Variants in SRMS observed in about 807,000 individuals in gnomAD.
SRMS encodes tyrosine-protein kinase Srms.
A neutral mutation model predicts 43.5 loss-of-function variants in SRMS; 42 were observed. The observed-to-expected ratio is 0.97, with a 90% CI of 0.75 to 1.25. The LOEUF (loss-of-function observed/expected upper bound fraction) is 1.25. SRMS is among the 50% of genes most tolerant of loss of function. The pLI, the probability that SRMS is intolerant of heterozygous loss-of-function variation, is 0.00. For synonymous variants in SRMS, 316 were observed against 308.2 expected (o/e 1.03, Z -0.27); for missense variants, 703 against 681.0 (o/e 1.03, Z -0.36).
intron 5 of SRMS, 55 bp downstream of exon 5, chr20:63,542,108 G>A (rs2082707603): frequency 3.2e-6 from 5 of 1,570,314 alleles, no homozygotes; most frequent in Non-Finnish European, 4.3e-6. Flanking sequence ...GCGCCAGGAG[G>A]GAAGGGGCGG....
rs775107636 is a variant in SRMS, at chr20:63,541,353, G to A, written c.1129-6C>T. 2.6e-6 allele frequency: 4 copies of A among 1,541,478 alleles called. No individual in the cohort carries two copies. The highest frequency in any genetic ancestry group is 1.7e-4 in the Middle Eastern group (1 of 5,718). ...CTCGGGGAGTAGATGTCGTCCTGGGGGCGAGGGAAGGCCCCTGGTAGGGCA... is the reference window on the plus strand; with the variant it reads ...CTCGGGGAGTAGATGTCGTCCTGGGAGCGAGGGAAGGCCCCTGGTAGGGCA... On this transcript the variant is annotated splice_polypyrimidine_tract_variant and splice_region_variant and intron_variant, in intron 6 of 7. Coordinates refer to ENST00000217188, the MANE Select transcript of SRMS (RefSeq NM_080823.4).
rs762371718 is a variant in SRMS at position 63,542,321 on chromosome 20, G to T, written c.788C>A (p.Ala263Asp). 1 of 1,607,208 alleles carries T rather than the reference G, an allele frequency of 6.2e-7. No homozygotes were observed. The highest frequency in any genetic ancestry group is 1.7e-5 in the Admixed American group (1 of 59,830). ...GGCGAGGTCAGTGAGCTTCATGTTG[G>T]CTGCGAGAGAGGGTGTGGCTCCAGG... ...LPVAIKVIKS[A>D]NMKLTDLAKE... Residue 263 changes from alanine (A) to aspartate (D), a missense_variant and splice_region_variant, in exon 5 of 8, where the codon GCC (alanine) becomes GAC (aspartate). Coordinates refer to ENST00000217188, the MANE Select transcript of SRMS (RefSeq NM_080823.4).
At position 63,547,420 on chromosome 20, in the gene SRMS, A is replaced by G; in HGVS notation, c.44T>C (p.Phe15Ser). The change falls in exon 1 of 8, where the codon TTC becomes TCC. Residue 15 changes from phenylalanine to serine, a missense_variant. Transcript: ENST00000217188. ...GCCCGCCGGCCAGATCTTGTCCCAG[A>G]AGAAGGACAGGAAGGCCAGCCGCCT... The part of the protein sequence containing the change: ...LRRRLAFLSF[F>S]WDKIWPAGGE... 1 of 1,548,480 alleles carries G rather than the reference A, an allele frequency of 6.5e-7. No homozygotes were observed. The highest frequency in any genetic ancestry group is 8.7e-7 in the Non-Finnish European group (1 of 1,144,914).
At chr20:63,541,967 C>G (rs977400870) in intron 5 of SRMS, among the ~76,000 whole-genome samples, 196 bp downstream of exon 5, 2 of 152,238 alleles carry the variant, frequency 1.3e-5, no homozygotes, top group African/African-American at 2.4e-5. Flanking sequence ...CCACAAGGCT[C>G]TGGCCTGGCC....
At position 63,540,701 on chromosome 20, in the gene SRMS, T is replaced by G. The variant is rs2082697961; in HGVS notation, c.*117A>C. On this transcript the variant is annotated 3_prime_UTR_variant, in exon 8 of 8. Coordinates refer to ENST00000217188, the MANE Select transcript of SRMS (RefSeq NM_080823.4). ...ACGAACATGTGTGCACGCCAGGGCC[T>G]GAGGCCCACAGCCAGAGGCTCCTCG... 7.4e-7 allele frequency: 1 copy of G among 1,343,888 alleles called. No individual in the cohort carries two copies. The highest frequency in any genetic ancestry group is 1.5e-5 in the African/African-American group (1 of 68,038). The allele number at this position is 1,343,888 out of a possible 1,614,324, so 83.2% of individuals were successfully genotyped here.
At position 63,541,428 on chromosome 20, in the gene SRMS, C is replaced by T. The variant is rs774933409; in HGVS notation, c.1128+11G>A. On this transcript the variant is annotated intron_variant, in intron 6 of 7. Coordinates refer to ENST00000217188, the MANE Select transcript of SRMS (RefSeq NM_080823.4). Reference sequence around the variant, plus strand: ...CCCCCTCTGGGTCAGGGGCCCAGAGCCTCCGCTGACCTTGAGCAGCCGGGC... The same window carrying T: ...CCCCCTCTGGGTCAGGGGCCCAGAGTCTCCGCTGACCTTGAGCAGCCGGGC... 1.6e-5 allele frequency: 25 copies of T among 1,591,460 alleles called. No homozygotes were observed. The highest frequency in any genetic ancestry group is 2.0e-5 in the Non-Finnish European group (24 of 1,171,822).
At chr20:63,541,059 C>G in intron 7 of SRMS, 60 bp from the exon 8 acceptor site, 1 of 1,596,130 alleles carries the variant, frequency 6.3e-7, no homozygotes, top group Non-Finnish European at 8.5e-7. Flanking sequence ...TGGAGGAGGC[C>G]TCCTGTAGCC....
Position 63,539,815 on chromosome 20 carries a change from C to T in SRMS, c.*1003G>A, listed in dbSNP as rs1043751589. ...CCAACCGACCCTGCCTGACCCTGCA[C>T]AGGCAGAAGACTCCAAATCCCCCAC... On this transcript the variant is annotated 3_prime_UTR_variant, in exon 8 of 8. Transcript: ENST00000217188. Among the ~76,000 whole-genome samples, 1 of 152,210 alleles carries T rather than the reference C, an allele frequency of 6.6e-6. No homozygotes were observed. The highest frequency in any genetic ancestry group is 1.5e-5 in the Non-Finnish European group (1 of 68,036).
Position 63,542,433 on chromosome 20 carries a change from G to T in SRMS, c.787+7C>A, listed in dbSNP as rs778265149. On this transcript the variant is annotated splice_region_variant and intron_variant, in intron 4 of 7. Coordinates refer to ENST00000217188, the MANE Select transcript of SRMS (RefSeq NM_080823.4). ...CCCGGCCGTGGCGCAGGATCTCGGG[G>T]CCTCACCTGACTTGATGACCTTGAT... is the stretch of plus-strand genomic sequence containing the variant. 1 of 1,609,580 alleles carries T rather than the reference G, an allele frequency of 6.2e-7. No homozygotes were observed. The highest frequency in any genetic ancestry group is 8.5e-7 in the Non-Finnish European group (1 of 1,177,960).
rs375119914 is a variant in SRMS at position 63,544,216 on chromosome 20, G to A, written c.478+11C>T. The A allele has an allele frequency of 9.0e-6, 13 of 1,438,132 alleles. No homozygotes were observed. The African/African-American group carries it at 1.3e-4, about 15-fold the overall frequency. The allele number at this position is 1,438,132 out of a possible 1,614,324, so 89.1% of individuals were successfully genotyped here. A position where few individuals can be genotyped will look rare whatever the true frequency, so the allele number is the denominator to read the frequency against. On this transcript the variant is annotated intron_variant, in intron 2 of 7. Transcript: ENST00000217188. ...GTGGGGGACAGAGGCAGGAGGGGCC[G>A]CCCCAGGTACCTGACAGTGAGTAGC...
In SRMS at chr20:63,547,647, C is replaced by A. The variant is rs1331048783; in HGVS notation, c.-184G>T. 2 of 568,626 alleles carry A rather than the reference C, an allele frequency of 3.5e-6. No individual in the cohort carries two copies. Among genetic ancestry groups the A allele is most frequent in the East Asian group, 6.9e-5 (2 of 28,890 alleles). The allele number at this position is 568,626 out of a possible 1,614,324, so 35.2% of individuals were successfully genotyped here. ...CCAGGAGGCACACGGTTCCCACCGG[C>A]GTCCGGGCTGGCGTTGGGGCTGGGT... On this transcript the variant is annotated 5_prime_UTR_variant, in exon 1 of 8. Coordinates refer to ENST00000217188, the MANE Select transcript of SRMS (RefSeq NM_080823.4).
chr20:63,546,856 T>TC (rs773194636), intron 1 of SRMS, among the ~76,000 whole-genome samples: 15 of 151,534 alleles, frequency 9.9e-5, no homozygotes, highest in East Asian at 9.7e-4. Context: ...CAGCTGATGC[T>TC]CCCCCCCACA....
chr20:63,539,990 G>C lies in SRMS; in HGVS notation c.*828C>G, dbSNP rs189314355. On this transcript the variant is annotated 3_prime_UTR_variant, in exon 8 of 8. Transcript: ENST00000217188. ...ATGCCCTTGGGGCTCACGCTCTCTG[G>C]GCACCATGATGTCCTGGGCTGGGGG... Among the ~76,000 whole-genome samples the C allele has an allele frequency of 2.0e-5, 3 of 152,204 alleles. No individual in the cohort carries two copies. The highest frequency in any genetic ancestry group is 2.0e-4 in the Admixed American group (3 of 15,282).
chr20:63,542,272 G>A lies in SRMS; in HGVS notation c.837C>T (p.Gly279=). The change falls in exon 5 of 8, where the codon GGC becomes GGT. Residue 279 remains glycine, a synonymous_variant. Coordinates refer to ENST00000217188, the MANE Select transcript of SRMS (RefSeq NM_080823.4). ...DLAKEIQTLK[G]LRHERLIRLH... Reference sequence around the variant, plus strand: ...GCCGGATGAGCCGCTCGTGCCGCAGGCCCTTCAGTGTCTGGATCTCCTTGG... The same window carrying A: ...GCCGGATGAGCCGCTCGTGCCGCAGACCCTTCAGTGTCTGGATCTCCTTGG... 6.2e-7 allele frequency: 1 copy of A among 1,612,554 alleles called. No homozygotes were observed. Among genetic ancestry groups the A allele is most frequent in the Non-Finnish European group, 8.5e-7 (1 of 1,179,632 alleles).
At position 63,541,522 on chromosome 20, in the gene SRMS, G is replaced by C; in HGVS notation, c.1045C>G (p.Arg349Gly). The change falls in exon 6 of 8, where the codon CGG becomes GGG. Residue 349 changes from arginine to glycine, a missense_variant. Arg to Gly is a moderately radical substitution (Grantham distance 125). Transcript: ENST00000217188. ...SYLEEQRVVH[R>G]DLAARNVLVD... The stretch of plus-strand genomic sequence containing the variant: ...AGCACGTTCCGGGCGGCCAAGTCCC[G>C]GTGCACAACGCGCTGCTCCTCCAGG... The C allele has an allele frequency of 6.2e-7, 1 of 1,602,692 alleles. No homozygotes were observed. Among genetic ancestry groups the C allele is most frequent in the Non-Finnish European group, 8.5e-7 (1 of 1,176,294 alleles).
At chr20:63,542,694 A>C in intron 3 of SRMS, 113 bp from the exon 4 acceptor site, 1 of 1,312,592 alleles carries the variant, frequency 7.6e-7, no homozygotes, top group Admixed American at 3.0e-5. Context: ...GCACACACTC[A>C]CCCCACCCTG....
intron 5 of SRMS, among the ~76,000 whole-genome samples, chr20:63,541,895 G>C (rs192415332): frequency 7.9e-4 from 121 of 152,316 alleles, no homozygotes; most frequent in African/African-American, 2.8e-3. Context: ...TTAGACCAAG[G>C]CTGGTGACCC....
rs576466942 is a variant in SRMS, at chr20:63,539,469, G to A, written c.*1349C>T. 6.6e-6 allele frequency among the ~76,000 whole-genome samples: 1 copy of A among 152,216 alleles called. No individual in the cohort carries two copies. Among genetic ancestry groups the A allele is most frequent in the African/African-American group, 2.4e-5 (1 of 41,454 alleles). ...TACAGAGCTGACCCCAACTCTAGGG[G>A]ACAAGGACTCAGTCAGGCCTGAACT... On this transcript the variant is annotated 3_prime_UTR_variant, in exon 8 of 8. Transcript: ENST00000217188.
chr20:63,542,619 GCCCCTGTGCTCTGT>G, intron 3 of SRMS, 38 bp from the exon 4 acceptor site: 1 of 1,577,102 alleles, frequency 6.3e-7, no homozygotes, highest in Non-Finnish European at 8.6e-7. Context: ...GTCAGCGTGG[GCCCCTGTGCTCTGT>G]CCCAGGCACA....
Sources: allele counts gnomAD v4.1 joint callset (sites outside exome capture counted in the v4.1 genomes callset), GRCh38; gene constraint gnomAD v4.1.1; transcripts MANE v1.5; gene names NCBI Gene and HGNC (gene_info 2026-07-23, HGNC 2026-07-21).